MYO10: variants seen among roughly 807,000 people sequenced by gnomAD.
MYO10 encodes myosin X, also known as unconventional myosin-X.
Under a neutral mutation model 257.3 loss-of-function variants are expected in MYO10, and 133 were observed. The observed-to-expected ratio is 0.52, with a 90% CI of 0.45 to 0.60. The LOEUF is 0.60. Ranked by LOEUF, MYO10 falls within the 20% of genes least tolerant of loss-of-function variation. MYO10 has a pLI of 0.00. For missense variants in MYO10, 2,399 were observed against 2,635.7 expected (o/e 0.91, Z 1.97); for synonymous variants, 1,104 against 1,028.6 (o/e 1.07, Z -1.40).
chr5:16,672,251 C>CGCCACT (rs1179450837), intron 37 of MYO10, among the ~76,000 whole-genome samples: 1 of 144,952 alleles, frequency 6.9e-6, no homozygotes, highest in African/African-American at 2.6e-5. Context: ...GCCAAGGTTG[C>CGCCACT]GCCACTGCAC....
At position 16,691,013 on chromosome 5, in the gene MYO10, T is replaced by TA. The variant is rs559682159; in HGVS notation, c.3801-1095dup. 1.6e-4 allele frequency among the ~76,000 whole-genome samples: 24 copies of TA among 152,176 alleles called. No homozygotes were observed. In the South Asian group the frequency reaches 5.0e-3, roughly 32 times the overall value. ...GGCCGGGCGTGGTGGCTCACGCCTG[T>TA]AATCCCAGCACTTTGGGAGGCTGAG... On this transcript the variant is annotated intron_variant, in intron 27 of 40. Transcript: ENST00000513610.
At chr5:16,883,940 T>C (rs887219004) in intron 1 of MYO10, among the ~76,000 whole-genome samples, 1 of 152,160 alleles carries the variant, frequency 6.6e-6, no homozygotes, top group African/African-American at 2.4e-5. Context: ...TAGCCAAACA[T>C]ACAACTTAGT....
At chr5:16,748,623 AGG>A in intron 19 of MYO10, among the ~76,000 whole-genome samples, 1 of 75,444 alleles carries the variant, frequency 1.3e-5, no homozygotes, top group African/African-American at 8.9e-5. Context: ...AGAGGGAGAG[AGG>A]GAGGGAGGGA....
At chr5:16,881,760 G>A (rs1242610605) in intron 1 of MYO10, among the ~76,000 whole-genome samples, 4 of 152,084 alleles carry the variant, frequency 2.6e-5, no homozygotes, top group South Asian at 2.1e-4. Flanking sequence ...CATGTGCCCA[G>A]GTCCGAAAGA....
At chr5:16,918,867 T>G (rs763350523) in intron 1 of MYO10, among the ~76,000 whole-genome samples, 1 of 152,188 alleles carries the variant, frequency 6.6e-6, no homozygotes, top group African/African-American at 2.4e-5. Context: ...TCACTCGGGA[T>G]GAGTGTGCAG....
intron 27 of MYO10, among the ~76,000 whole-genome samples, chr5:16,694,032 T>C (rs1344434526): frequency 6.6e-6 from 1 of 152,222 alleles, no homozygotes; most frequent in Non-Finnish European, 1.5e-5. Flanking sequence ...GAATTGAAAG[T>C]GATACATTAA....
rs70940395 is a variant in MYO10 at position 16,663,328 on chromosome 5, GTTTTT to G, written c.*3359_*3363del. The G allele has an allele frequency of 9.1e-5, 7 of 76,882 alleles. No individual in the cohort carries two copies. The highest frequency in any genetic ancestry group is 3.7e-4 in the East Asian group (1 of 2,730). 4.8% of individuals were successfully genotyped at this position (76,882 alleles called of 1,614,324 possible). A position where few individuals can be genotyped will look rare whatever the true frequency, so the allele number is the denominator to read the frequency against. On this transcript the variant is annotated 3_prime_UTR_variant, in exon 41 of 41. Coordinates refer to ENST00000513610, the MANE Select transcript of MYO10 (RefSeq NM_012334.3). ...AAAAAGTAACATTTTACTTCTAGTTGTTTTTTTTTTTTTTTTTTTTTTTTTTTTTT... is the reference window on the plus strand; with the variant it reads ...AAAAAGTAACATTTTACTTCTAGTTGTTTTTTTTTTTTTTTTTTTTTTTTT...
intron 9 of MYO10, among the ~76,000 whole-genome samples, chr5:16,770,253 AAATT>A (rs1180076815): frequency 6.6e-6 from 1 of 152,100 alleles, no homozygotes; most frequent in African/African-American, 2.4e-5. Flanking sequence ...AAAAAGAAAA[AAATT>A]AAATAAATGC....
intron 34 of MYO10, 33 bp from the exon 35 acceptor site, chr5:16,675,183 T>C: frequency 6.2e-7 from 1 of 1,607,848 alleles, no homozygotes; most frequent in South Asian, 1.1e-5. Context: ...GGAACTCATC[T>C]GAGGGGTTCA....
chr5:16,875,032 T>C (rs1358086870), intron 2 of MYO10, among the ~76,000 whole-genome samples: 3 of 152,144 alleles, frequency 2.0e-5, no homozygotes, highest in African/African-American at 4.8e-5. Context: ...ATGAGACTTA[T>C]TTGCTATCAC....
intron 19 of MYO10, among the ~76,000 whole-genome samples, chr5:16,741,350 A>T (rs1740011814): frequency 1.3e-5 from 2 of 152,208 alleles, no homozygotes; most frequent in Non-Finnish European, 2.9e-5. Context: ...ACAGGTTTAT[A>T]ATGCGATTAA....
At position 16,694,390 on chromosome 5, in the gene MYO10, C is replaced by CTTCAA; in HGVS notation, c.3780_3781insTTGAA (p.Val1261LeufsTer3). ...ACCTACTTTGCCGTTCGCACTTCTA[C>CTTCAA]GGTGCCCTTGAGCTTCTCCTCGCTG... On this transcript the variant is annotated frameshift_variant, in exon 27 of 41. Coordinates refer to ENST00000513610, the MANE Select transcript of MYO10 (RefSeq NM_012334.3). LOFTEE classifies it high-confidence loss of function. 6.2e-7 allele frequency: 1 copy of CTTCAA among 1,614,046 alleles called. No individual in the cohort carries two copies. The highest frequency in any genetic ancestry group is 8.5e-7 in the Non-Finnish European group (1 of 1,179,898).
At chr5:16,817,698 G>T (rs554778828) in intron 3 of MYO10, among the ~76,000 whole-genome samples, 12 of 152,180 alleles carry the variant, frequency 7.9e-5, no homozygotes, top group Non-Finnish European at 1.6e-4. Flanking sequence ...ACAACTCCAT[G>T]ACTTCTTTCC....
intron 1 of MYO10, among the ~76,000 whole-genome samples, chr5:16,926,261 TTTG>T (rs1251714435): frequency 1.3e-5 from 2 of 152,224 alleles, no homozygotes; most frequent in African/African-American, 4.8e-5. Flanking sequence ...ATTAAAATAC[TTTG>T]TAGTACTTCT....
chr5:16,722,239 C>T (rs552333263), intron 19 of MYO10, among the ~76,000 whole-genome samples: 1 of 152,332 alleles, frequency 6.6e-6, no homozygotes, highest in African/African-American at 2.4e-5. Flanking sequence ...GATGTGACCC[C>T]TGGTCACACT....
chr5:16,810,959 C>T (rs1395221616), intron 3 of MYO10, among the ~76,000 whole-genome samples: 1 of 151,330 alleles, frequency 6.6e-6, no homozygotes, highest in Non-Finnish European at 1.5e-5. Context: ...ATCCCAGCTA[C>T]TCAGGAGACT....
intron 3 of MYO10, among the ~76,000 whole-genome samples, chr5:16,800,738 C>T (rs1742096523): frequency 6.6e-6 from 1 of 152,134 alleles, no homozygotes; most frequent in African/African-American, 2.4e-5. Context: ...GCGCCACCCC[C>T]GTGGCTGTGT....
chr5:16,784,905 C>T (rs1741528420), intron 4 of MYO10, among the ~76,000 whole-genome samples: 1 of 152,196 alleles, frequency 6.6e-6, no homozygotes, highest in Admixed American at 6.5e-5. Flanking sequence ...CTTTCACCTG[C>T]TCTGCTAGCG....
At chr5:16,900,763 A>T (rs1264446028) in intron 1 of MYO10, among the ~76,000 whole-genome samples, 12 of 77,906 alleles carry the variant, frequency 1.5e-4, no homozygotes, top group Admixed American at 2.8e-4. Context: ...TTTTTGAGAC[A>T]GAGTCTTGCT....
Sources: gnomAD v4.1 joint callset for allele counts (sites outside exome capture counted in the v4.1 genomes callset) on GRCh38, gnomAD v4.1.1 for gene constraint, MANE v1.5 for transcripts, NCBI Gene and HGNC (gene_info 2026-07-23, HGNC 2026-07-21) for gene names.